GSK3A: variants seen among roughly 807,000 people sequenced by gnomAD.
GSK3A encodes glycogen synthase kinase-3 alpha.
Under a neutral mutation model 56.6 loss-of-function variants are expected in GSK3A, and 14 were observed. The ratio of observed to expected loss-of-function variants is 0.25; its 90% CI spans 0.16 to 0.39. The LOEUF is 0.39. Ranked by LOEUF, GSK3A falls within the 10% of genes least tolerant of loss-of-function variation. The pLI, the probability that GSK3A is intolerant of heterozygous loss-of-function variation, is 1.00. For missense variants in GSK3A, 450 were observed against 656.0 expected, an observed-to-expected ratio of 0.69 and a Z score of 3.43; for synonymous variants, 301 against 285.0, an observed-to-expected ratio of 1.06 and a Z score of -0.56.
chr19:42,233,786 G>T (rs1170523493), intron 6 of GSK3A, among the ~76,000 whole-genome samples: 3 of 152,096 alleles, frequency 2.0e-5, no homozygotes, highest in African/African-American at 7.2e-5. Flanking sequence ...GAGCTGCAGC[G>T]TGGCAGTCTC....
intron 1 of GSK3A, 134 bp from the exon 2 acceptor site, chr19:42,240,276 G>A: frequency 1.3e-6 from 1 of 768,298 alleles, no homozygotes; most frequent in Admixed American, 2.0e-5. Context: ...TCCTCTTTGA[G>A]GAAAGGTGGA....
rs2036245588 is a variant in GSK3A at position 42,234,741 on chromosome 19, A to G, written c.667-63T>C. 6 of 1,464,610 alleles carry G rather than the reference A, an allele frequency of 4.1e-6. No individual in the cohort carries two copies. Among genetic ancestry groups the G allele is most frequent in the Non-Finnish European group, 5.5e-6 (6 of 1,100,530 alleles). The allele number at this position is 1,464,610 out of a possible 1,614,324, so 90.7% of individuals were successfully genotyped here. ...TTTCCCCATACAGCACCACTACCCCACCAGCTTGGCCTGAAGAGCCCTTCC... is the reference window on the plus strand; with the variant it reads ...TTTCCCCATACAGCACCACTACCCCGCCAGCTTGGCCTGAAGAGCCCTTCC... On this transcript the variant is annotated intron_variant, in intron 4 of 10. Coordinates refer to ENST00000222330, the MANE Select transcript of GSK3A (RefSeq NM_019884.3). The surrounding 1 kb of genome is among the most constrained non-coding windows in gnomAD (Gnocchi z 5.7).
intron 1 of GSK3A, 126 bp downstream of exon 1, chr19:42,242,057 G>A: frequency 1.2e-6 from 1 of 806,806 alleles, no homozygotes; most frequent in Non-Finnish European, 1.7e-6. Flanking sequence ...AGAGGGCTCG[G>A]ATCCCCGGTA....
At chr19:42,232,263 C>CAG in intron 9 of GSK3A, 114 bp from the exon 10 acceptor site, 1 of 759,434 alleles carries the variant, frequency 1.3e-6, no homozygotes, top group Non-Finnish European at 2.3e-6. Flanking sequence ...CCTTCAGCCA[C>CAG]AGACCTCTCT....
intron 2 of GSK3A, among the ~76,000 whole-genome samples, chr19:42,237,946 T>C (rs2036268424): frequency 6.6e-6 from 1 of 151,918 alleles, no homozygotes; most frequent in African/African-American, 2.4e-5. Flanking sequence ...AACCTGGCTA[T>C]GTTGGCCAGG....
chr19:42,237,241 C>T (rs541054878), intron 2 of GSK3A, among the ~76,000 whole-genome samples: 1 of 152,062 alleles, frequency 6.6e-6, no homozygotes, highest in Admixed American at 6.5e-5. Context: ...TCACTGCAAC[C>T]TCTGCCTCCC....
At position 42,242,494 on chromosome 19, in the gene GSK3A, G is replaced by C. The variant is rs2036300536; in HGVS notation, c.-29C>G. ...GCCGAGCACAGGCCCAGGCTGCGGG[G>C]CTCGGGCTGCCCGGGCTGCCCCAGC... On this transcript the variant is annotated 5_prime_UTR_variant, in exon 1 of 11. Coordinates refer to ENST00000222330, the MANE Select transcript of GSK3A (RefSeq NM_019884.3). 1.6e-5 allele frequency: 18 copies of C among 1,117,456 alleles called. No individual in the cohort carries two copies. The highest frequency in any genetic ancestry group is 2.0e-5 in the Non-Finnish European group (18 of 917,696). The allele number at this position is 1,117,456 out of a possible 1,614,324, so 69.2% of individuals were successfully genotyped here.
chr19:42,232,935 G>A, intron 8 of GSK3A, 175 bp downstream of exon 8: 1 of 597,510 alleles, frequency 1.7e-6, no homozygotes, highest in South Asian at 2.3e-5. Flanking sequence ...TTTACTTGTG[G>A]GTTCTCAACT....
rs369235427 is a variant in GSK3A at position 42,233,063 on chromosome 19, G to C, written c.1098+47C>G. The C allele has an allele frequency of 4.8e-6, 6 of 1,252,706 alleles. No individual in the cohort carries two copies. In the Admixed American group the frequency reaches 6.7e-5, roughly 14 times the overall value. 77.6% of individuals were successfully genotyped at this position (1,252,706 alleles called of 1,614,324 possible). On this transcript the variant is annotated intron_variant, in intron 8 of 10. Transcript: ENST00000222330. Reference sequence around the variant, plus strand: ...CCACAGAACAGTTGACCTCCAAGGGGGACCAGCTCTCAGCCATACTGCCCT... The same window carrying C: ...CCACAGAACAGTTGACCTCCAAGGGCGACCAGCTCTCAGCCATACTGCCCT...
rs2036297196 is a variant in GSK3A at position 42,242,221 on chromosome 19, G to C, written c.245C>G (p.Ala82Gly). ...SGGGGSGGPG[A>G]GTSFPPPGVK... ...CCCGGGCGGCGGGAAGCTAGTGCCT[G>C]CGCCGGGGCCTCCGCTGCCTCCTCC... Residue 82 changes from alanine to glycine, a missense_variant, in exon 1 of 11, where the codon GCA becomes GGA. Coordinates refer to ENST00000222330, the MANE Select transcript of GSK3A (RefSeq NM_019884.3). 6.9e-7 allele frequency: 1 copy of C among 1,444,546 alleles called. No homozygotes were observed. Among genetic ancestry groups the C allele is most frequent in the Non-Finnish European group, 9.1e-7 (1 of 1,103,920 alleles). The allele number at this position is 1,444,546 out of a possible 1,614,324, so 89.5% of individuals were successfully genotyped here. A position where few individuals can be genotyped will look rare whatever the true frequency, so the allele number is the denominator to read the frequency against.
In GSK3A at chr19:42,238,734, G is replaced by A. The variant is rs1439857370; in HGVS notation, c.471+1221C>T. On this transcript the variant is annotated intron_variant, in intron 2 of 10. Coordinates refer to ENST00000222330, the MANE Select transcript of GSK3A (RefSeq NM_019884.3). ...CAGCACTTTGGGAGGTCGAGGTGGG[G>A]GCGGATTACTTGAGGTCAGGAGTTC... Among the ~76,000 whole-genome samples, 6 of 152,018 alleles carry A rather than the reference G, an allele frequency of 3.9e-5. No homozygotes were observed. The East Asian group carries it at 7.7e-4, about 20-fold the overall frequency.
At chr19:42,231,775 A>C (rs1013242512) in intron 10 of GSK3A, among the ~76,000 whole-genome samples, 8 of 150,542 alleles carry the variant, frequency 5.3e-5, no homozygotes, top group African/African-American at 1.5e-4. Flanking sequence ...CTATTGCACA[A>C]AAAAAAAAAA....
intron 2 of GSK3A, among the ~76,000 whole-genome samples, chr19:42,237,813 A>G (rs2036267017): frequency 6.6e-6 from 1 of 151,880 alleles, no homozygotes. Flanking sequence ...CAGGAGGCGG[A>G]GCTTGCAGTG....
rs537539642 is a variant in GSK3A at position 42,231,120 on chromosome 19, G to C, written c.1379-253C>G. On this transcript the variant is annotated intron_variant, in intron 10 of 10. Transcript: ENST00000222330. ...CTCACGCCTGTAATCCCAGCACTTT[G>C]GGAGGCTGAGGTGGGCAGATCACAA... Among the ~76,000 whole-genome samples the C allele has an allele frequency of 4.5e-4, 69 of 151,968 alleles. 2 individuals carry two copies. In the South Asian group the frequency reaches 0.014, roughly 31 times the overall value.
In GSK3A at chr19:42,230,342, A is replaced by C; in HGVS notation, c.*452T>G. On this transcript the variant is annotated 3_prime_UTR_variant, in exon 11 of 11. Transcript: ENST00000222330. ...GGGGGCAGAGGACAGGAGGGGAGTTACAGCTGTAGGAGGGGCGGGGCCAGG... is the reference window on the plus strand; with the variant it reads ...GGGGGCAGAGGACAGGAGGGGAGTTCCAGCTGTAGGAGGGGCGGGGCCAGG... The C allele has an allele frequency of 1.7e-5, 3 of 173,284 alleles. No homozygotes were observed. Among genetic ancestry groups the C allele is most frequent in the Non-Finnish European group, 2.5e-5 (2 of 79,684 alleles). The allele number at this position is 173,284 out of a possible 1,614,324, so 10.7% of individuals were successfully genotyped here. A position where few individuals can be genotyped will look rare whatever the true frequency, so the allele number is the denominator to read the frequency against.
In GSK3A at chr19:42,230,553, C is replaced by T. The variant is rs1220472013; in HGVS notation, c.*241G>A. 9 of 555,728 alleles carry T rather than the reference C, an allele frequency of 1.6e-5. No homozygotes were observed. Among genetic ancestry groups the T allele is most frequent in the South Asian group, 1.3e-4 (6 of 44,450 alleles). The allele number at this position is 555,728 out of a possible 1,614,324, so 34.4% of individuals were successfully genotyped here. ...GAGGGGGCCAAGGGGGTAGGAGGTC[C>T]TCATCCCCCCAACACCCTGTCCTTC... On this transcript the variant is annotated 3_prime_UTR_variant, in exon 11 of 11. Coordinates refer to ENST00000222330, the MANE Select transcript of GSK3A (RefSeq NM_019884.3).
chr19:42,239,907 G>T, intron 2 of GSK3A, 48 bp downstream of exon 2: 1 of 1,512,232 alleles, frequency 6.6e-7, no homozygotes, highest in Non-Finnish European at 9.2e-7. Flanking sequence ...TCTCCCACCA[G>T]TCACACCCAG....
In GSK3A at chr19:42,234,329, C is replaced by G. The variant is rs772126918; in HGVS notation, c.904+24G>C. On this transcript the variant is annotated intron_variant, in intron 6 of 10. Transcript: ENST00000222330. This position sits in a 1 kb window ranked among gnomAD's most constrained non-coding sequence, Gnocchi z 5.7. ...AAAACTTCCCAGATTGCCACTCCCC[C>G]CGCCACCCTCCCATAACTCTGACCG... 2 of 1,576,424 alleles carry G rather than the reference C, an allele frequency of 1.3e-6. No individual in the cohort carries two copies. Among genetic ancestry groups the G allele is most frequent in the African/African-American group, 1.3e-5 (1 of 74,188 alleles).
At position 42,232,644 on chromosome 19, in the gene GSK3A, G is replaced by A. The variant is rs201590175; in HGVS notation, c.1137C>T (p.Leu379=). 4 of 1,603,984 alleles carry A rather than the reference G, an allele frequency of 2.5e-6. No homozygotes were observed. The highest frequency in any genetic ancestry group is 3.4e-5 in the Admixed American group (2 of 59,192). The part of the protein sequence containing the change: ...KSRTPPEAIA[L]CSSLLEYTPS... ...GGGTGTACTCCAGCAGGCTAGAGCA[G>A]AGCGCGATGGCCTCTGGCGGCGTTC... The change falls in exon 9 of 11, where the codon CTC becomes CTT. Residue 379 remains leucine (L), a synonymous_variant. Transcript: ENST00000222330.
Sources: allele counts gnomAD v4.1 joint callset (sites outside exome capture counted in the v4.1 genomes callset), GRCh38; gene constraint gnomAD v4.1.1; non-coding constraint Gnocchi (gnomAD v3.1); transcripts MANE v1.5; gene names NCBI Gene and HGNC (gene_info 2026-07-23, HGNC 2026-07-21).